TSPEAR: variants seen among roughly 807,000 people sequenced by gnomAD.
TSPEAR encodes thrombospondin-type laminin G domain and EAR repeat-containing protein.
In TSPEAR, 69 loss-of-function variants were observed where a neutral mutation model predicts 71.6. That is an observed-to-expected ratio of 0.96 (90% confidence interval 0.79 to 1.18). TSPEAR has a LOEUF of 1.18. TSPEAR is among the 50% of genes most tolerant of loss of function. The probability of loss-of-function intolerance (pLI) is 0.00; values close to 1 mark genes in which losing one functional copy is unlikely to be tolerated. For missense variants in TSPEAR, 971 were observed against 894.9 expected (o/e 1.09, Z -1.09); for synonymous variants, 402 against 387.2 (o/e 1.04, Z -0.45).
intron 9 of TSPEAR, among the ~76,000 whole-genome samples, chr21:44,513,731 A>G (rs2052468645): frequency 6.6e-6 from 1 of 152,156 alleles, no homozygotes; most frequent in African/African-American, 2.4e-5. Context: ...TTGATAGGGC[A>G]AAGAAAGAGG....
intron 9 of TSPEAR, chr21:44,509,855 T>G (rs1555912421): frequency 5.8e-6 from 1 of 173,262 alleles, no homozygotes; most frequent in East Asian, 1.8e-4. Context: ...GAGCACCACC[T>G]GCTGTCTCAC....
Position 44,498,678 on chromosome 21 carries a change from C to T in TSPEAR, c.*1105G>A, listed in dbSNP as rs1244470408. The T allele has an allele frequency of 5.9e-5, 9 of 152,244 alleles. No individual in the cohort carries two copies. The highest frequency in any genetic ancestry group is 2.2e-4 in the African/African-American group (9 of 41,452). 9.4% of individuals were successfully genotyped at this position (152,244 alleles called of 1,614,324 possible). A position where few individuals can be genotyped will look rare whatever the true frequency, so the allele number is the denominator to read the frequency against. ...CCACAGTTCTGATTGGCGGAAAAAG[C>T]ACATTGTAAACTCTCTGAGGATCGC... On this transcript the variant is annotated 3_prime_UTR_variant, in exon 12 of 12. Transcript: ENST00000323084.
intron 1 of TSPEAR, chr21:44,666,422 A>C: frequency 6.4e-7 from 1 of 1,561,774 alleles, no homozygotes. Flanking sequence ...CTGCACTGGG[A>C]GCAGCGGGTC....
chr21:44,657,985 C>T, intron 1 of TSPEAR: 1 of 1,612,968 alleles, frequency 6.2e-7, no homozygotes, highest in Non-Finnish European at 8.5e-7. Context: ...CCACCATGTG[C>T]CACACCAGCT....
rs1008546789 is a variant in TSPEAR at position 44,607,386 on chromosome 21, A to G, written c.83-39381T>C. 3.3e-5 allele frequency among the ~76,000 whole-genome samples: 5 copies of G among 152,332 alleles called. No homozygotes were observed. In the South Asian group the frequency reaches 1.0e-3, roughly 32 times the overall value. Reference sequence around the variant, plus strand: ...GATTTAATCTTTCTACAATGCATGCACAGGTCAAAACGTCACATTATAGAT... The same window carrying G: ...GATTTAATCTTTCTACAATGCATGCGCAGGTCAAAACGTCACATTATAGAT... On this transcript the variant is annotated intron_variant, in intron 1 of 11. Transcript: ENST00000323084.
At chr21:44,675,810 T>C (rs1986287456) in intron 1 of TSPEAR, 1 of 575,648 alleles carries the variant, frequency 1.7e-6, no homozygotes, top group Non-Finnish European at 3.1e-6. Context: ...AAACCCTTCA[T>C]GTATCACTGC....
chr21:44,541,061 G>A (rs186317390), intron 2 of TSPEAR, among the ~76,000 whole-genome samples: 386 of 150,966 alleles, frequency 2.6e-3, no homozygotes, highest in Non-Finnish European at 4.0e-3. Context: ...GCGTGAGCCC[G>A]GTGCCTGGCC....
At chr21:44,541,650 GAAA>G (rs372406382) in intron 2 of TSPEAR, among the ~76,000 whole-genome samples, 28 of 152,202 alleles carry the variant, frequency 1.8e-4, no homozygotes, top group African/African-American at 6.7e-4. Context: ...GGAATTAGAA[GAAA>G]AAAACCACAG....
chr21:44,562,165 C>A (rs1469326643), intron 2 of TSPEAR, among the ~76,000 whole-genome samples: 1 of 152,134 alleles, frequency 6.6e-6, no homozygotes, highest in Non-Finnish European at 1.5e-5. Flanking sequence ...GCAAAAATCA[C>A]AAGCCTTCCT....
At chr21:44,548,823 A>G (rs2053347986) in intron 2 of TSPEAR, among the ~76,000 whole-genome samples, 1 of 152,190 alleles carries the variant, frequency 6.6e-6, no homozygotes, top group Non-Finnish European at 1.5e-5. Context: ...AGAATTTTAA[A>G]TCCATGAACA....
chr21:44,556,106 G>A (rs781905620), intron 2 of TSPEAR, among the ~76,000 whole-genome samples: 2 of 152,240 alleles, frequency 1.3e-5, no homozygotes, highest in African/African-American at 4.8e-5. Context: ...TGCCGGGCAC[G>A]GTGGCTCACG....
In TSPEAR at chr21:44,647,051, A is replaced by G. The variant is rs201197166; in HGVS notation, c.82+64382T>C. 2.0e-4 allele frequency: 314 copies of G among 1,600,270 alleles called. 3 individuals are homozygous for G. In the Middle Eastern group the frequency reaches 6.8e-3, roughly 35 times the overall value. ...GTGCCTGTCTGCTGCAAGACTGTCT[A>G]CTGCAAGCCCATCTGCTGTGTGCCT... On this transcript the variant is annotated intron_variant, in intron 1 of 11. Coordinates refer to ENST00000323084, the MANE Select transcript of TSPEAR (RefSeq NM_144991.3).
At chr21:44,590,380 G>A (rs886850403) in intron 1 of TSPEAR, among the ~76,000 whole-genome samples, 5 of 152,086 alleles carry the variant, frequency 3.3e-5, no homozygotes, top group Admixed American at 2.0e-4. Flanking sequence ...CAGGGTCCTC[G>A]GGGTCAGAGT....
At chr21:44,698,547 G>T (rs1008231236) in intron 1 of TSPEAR, among the ~76,000 whole-genome samples, 7 of 152,210 alleles carry the variant, frequency 4.6e-5, no homozygotes, top group African/African-American at 1.4e-4. Context: ...TGGCAGCGGG[G>T]TCACTCGCAG....
At chr21:44,580,299 A>T (rs370376023) in intron 1 of TSPEAR, 1 of 1,613,882 alleles carries the variant, frequency 6.2e-7, no homozygotes, top group African/African-American at 1.3e-5. Flanking sequence ...ACAGGCTTGC[A>T]GCAGACGGGC....
At chr21:44,547,976 C>T (rs2053328562) in intron 2 of TSPEAR, among the ~76,000 whole-genome samples, 1 of 152,240 alleles carries the variant, frequency 6.6e-6, no homozygotes, top group African/African-American at 2.4e-5. Flanking sequence ...CTCCCTTATT[C>T]CTCAAAGCAT....
chr21:44,570,074 T>G (rs1436745410), intron 1 of TSPEAR, among the ~76,000 whole-genome samples: 1 of 151,864 alleles, frequency 6.6e-6, no homozygotes, highest in Non-Finnish European at 1.5e-5. Context: ...CCCCTGGGGG[T>G]TTAGCTTGAG....
At chr21:44,658,266 G>A in intron 1 of TSPEAR, 1 of 1,613,150 alleles carries the variant, frequency 6.2e-7, no homozygotes, top group Non-Finnish European at 8.5e-7. Flanking sequence ...CCTTCCTGCT[G>A]CTGACCAGCT....
chr21:44,518,196 CCTTT>C (rs1327020039), intron 9 of TSPEAR: 3 of 398,442 alleles, frequency 7.5e-6, no homozygotes, highest in South Asian at 5.8e-5. Flanking sequence ...TAAAAAAATT[CCTTT>C]CTGTTTCTAG....
Sources: gnomAD v4.1 joint callset for allele counts (sites outside exome capture counted in the v4.1 genomes callset) on GRCh38, gnomAD v4.1.1 for gene constraint, MANE v1.5 for transcripts, NCBI Gene and HGNC (gene_info 2026-07-23, HGNC 2026-07-21) for gene names.